PRKG1: variants seen among roughly 807,000 people sequenced by gnomAD.
PRKG1 encodes the protein cGMP-dependent protein kinase 1.
In PRKG1, 35 loss-of-function variants were observed where a neutral mutation model predicts 88.1. The ratio of observed to expected loss-of-function variants is 0.40; its 90% confidence interval spans 0.30 to 0.53. The LOEUF (loss-of-function observed/expected upper bound fraction) is 0.53. PRKG1 is among the 20% of genes least tolerant of loss of function. The pLI, the probability that PRKG1 is intolerant of heterozygous loss-of-function variation, is 0.59. For missense variants in PRKG1, 540 were observed against 839.8 expected (o/e 0.64, Z 4.41); for synonymous variants, 303 against 292.5 (o/e 1.04, Z -0.37).
At chr10:52,131,816 CAAAAAAAAAAAAAAAAA>C (rs71459439) in intron 7 of PRKG1, among the ~76,000 whole-genome samples, 14 of 44,086 alleles carry the variant, frequency 3.2e-4, no homozygotes, top group South Asian at 3.0e-3. Context: ...GAAACTCCAT[CAAAAAAAAAAAAAAAAA>C]AAAAAAAAAA....
At chr10:51,734,294 A>G (rs191915666) in intron 3 of PRKG1, among the ~76,000 whole-genome samples, 3 of 152,316 alleles carry the variant, frequency 2.0e-5, no homozygotes, top group East Asian at 1.9e-4. Context: ...AGAACTATTT[A>G]AAATAAGGTT....
At chr10:51,987,900 T>C (rs1190072642) in intron 5 of PRKG1, among the ~76,000 whole-genome samples, 2 of 152,106 alleles carry the variant, frequency 1.3e-5, no homozygotes, top group East Asian at 3.8e-4. Flanking sequence ...TGAAAGTTGC[T>C]GAATGCTACA....
At chr10:51,279,480 TA>T (rs1268920758) in intron 2 of PRKG1, among the ~76,000 whole-genome samples, 1 of 152,202 alleles carries the variant, frequency 6.6e-6, no homozygotes, top group African/African-American at 2.4e-5. Flanking sequence ...AGTGGGGTGT[TA>T]AAGTCTCCCA....
intron 5 of PRKG1, among the ~76,000 whole-genome samples, chr10:51,955,247 G>T (rs570290618): frequency 6.6e-6 from 1 of 152,112 alleles, no homozygotes; most frequent in South Asian, 2.1e-4. Context: ...CACTTTCCAC[G>T]GGAGGAAAAC....
chr10:51,798,016 G>A (rs1383296089), intron 3 of PRKG1, among the ~76,000 whole-genome samples: 14 of 151,966 alleles, frequency 9.2e-5, no homozygotes, highest in Non-Finnish European at 1.5e-4. Flanking sequence ...TTAATTGTAT[G>A]TATACACCAC....
intron 1 of PRKG1, among the ~76,000 whole-genome samples, chr10:51,045,527 T>C (rs529855381): frequency 4.5e-4 from 69 of 152,240 alleles, no homozygotes; most frequent in Non-Finnish European, 8.1e-4. Context: ...GATTTTACCA[T>C]GTTGGCCAGG....
intron 1 of PRKG1, among the ~76,000 whole-genome samples, chr10:51,044,169 A>G (rs559695931): frequency 2.0e-5 from 3 of 152,270 alleles, no homozygotes; most frequent in Admixed American, 1.3e-4. Context: ...ACTCACTCTT[A>G]TATCTTTCAT....
At chr10:51,392,967 C>T (rs1167567739) in intron 2 of PRKG1, among the ~76,000 whole-genome samples, 2 of 145,484 alleles carry the variant, frequency 1.4e-5, no homozygotes, top group South Asian at 4.3e-4. Flanking sequence ...GCTGACCCCC[C>T]ACCTCCCTCC....
At chr10:51,346,121 G>A (rs913403610) in intron 2 of PRKG1, among the ~76,000 whole-genome samples, 1 of 152,046 alleles carries the variant, frequency 6.6e-6, no homozygotes, top group African/African-American at 2.4e-5. Flanking sequence ...CAGGCTTTTT[G>A]TTTGGTTTAA....
rs992215828 is a variant in PRKG1 at position 51,699,478 on chromosome 10, T to A, written c.593-105107T>A. On this transcript the variant is annotated intron_variant, in intron 3 of 17. Transcript: ENST00000373980. ...TTAACTGCTCCTCAGTTGCCTCATA[T>A]GGAATGTTCCCCACGAACACGGAAC... is the stretch of plus-strand genomic sequence containing the variant. 1.9e-6 allele frequency: 3 copies of A among 1,613,704 alleles called. No individual in the cohort carries two copies. The South Asian group carries it at 3.3e-5, about 18-fold the overall frequency.
intron 1 of PRKG1, among the ~76,000 whole-genome samples, chr10:51,086,600 A>G (rs1844254439): frequency 6.6e-6 from 1 of 152,228 alleles, no homozygotes. Context: ...ACGATAGTTT[A>G]AGCAACTCAC....
chr10:52,121,987 A>C (rs565713409), intron 7 of PRKG1, among the ~76,000 whole-genome samples: 70 of 152,256 alleles, frequency 4.6e-4, no homozygotes, highest in Non-Finnish European at 7.5e-4. Context: ...CCTTGGTACC[A>C]ATTTCCTATT....
chr10:51,013,473 C>T (rs1177284888), intron 1 of PRKG1, among the ~76,000 whole-genome samples: 1 of 152,182 alleles, frequency 6.6e-6, no homozygotes, highest in Non-Finnish European at 1.5e-5. Flanking sequence ...TCACCACAAC[C>T]TTCACCTCTT....
chr10:51,880,876 G>A (rs764326539), intron 4 of PRKG1, among the ~76,000 whole-genome samples: 3 of 152,168 alleles, frequency 2.0e-5, no homozygotes, highest in Non-Finnish European at 2.9e-5. Context: ...CAGAAATTGT[G>A]CTGGGTGCCT....
chr10:51,631,687 C>T (rs906674566), intron 3 of PRKG1, among the ~76,000 whole-genome samples: 5 of 152,224 alleles, frequency 3.3e-5, no homozygotes, highest in African/African-American at 9.7e-5. Flanking sequence ...AAGGAGCATG[C>T]AACCTAGATC....
intron 3 of PRKG1, among the ~76,000 whole-genome samples, chr10:51,711,147 C>A (rs990111904): frequency 3.9e-5 from 6 of 152,220 alleles, no homozygotes; most frequent in African/African-American, 1.2e-4. Flanking sequence ...GCTCTGTCAC[C>A]CAGGCTGGAG....
chr10:52,235,521 T>C (rs1840658409), intron 9 of PRKG1, among the ~76,000 whole-genome samples: 5 of 150,184 alleles, frequency 3.3e-5, no homozygotes, highest in Middle Eastern at 3.5e-3. Flanking sequence ...CAATCCTAGT[T>C]TCTGATAAAA....
chr10:51,029,923 T>C (rs1843259330), intron 1 of PRKG1, among the ~76,000 whole-genome samples: 1 of 152,134 alleles, frequency 6.6e-6, no homozygotes, highest in Non-Finnish European at 1.5e-5. Context: ...AAGATTATGA[T>C]TGCGATAATA....
intron 3 of PRKG1, among the ~76,000 whole-genome samples, chr10:51,585,059 C>T (rs900996147): frequency 2.6e-5 from 4 of 152,024 alleles, no homozygotes; most frequent in African/African-American, 9.7e-5. Context: ...ATCAAATCAC[C>T]ATTCAATAGG....
Sources: gnomAD v4.1 joint callset for allele counts (sites outside exome capture counted in the v4.1 genomes callset) on GRCh38, gnomAD v4.1.1 for gene constraint, MANE v1.5 for transcripts, NCBI Gene and HGNC (gene_info 2026-07-23, HGNC 2026-07-21) for gene names.